Variants in NDUFA10 observed in about 807,000 individuals in gnomAD.
NDUFA10 encodes NADH:ubiquinone oxidoreductase subunit A10, also known as NADH dehydrogenase [ubiquinone] 1 alpha subcomplex subunit 10, mitochondrial.
Under a neutral mutation model 47.8 loss-of-function variants are expected in NDUFA10, and 40 were observed. The ratio of observed to expected loss-of-function variants is 0.84; its 90% CI spans 0.65 to 1.09. NDUFA10 has a LOEUF of 1.09. NDUFA10 is among the 50% of genes least tolerant of loss of function. NDUFA10 has a pLI of 0.00. For missense variants in NDUFA10, 413 were observed against 451.1 expected, an observed-to-expected ratio of 0.92 and a Z score of 0.76; for synonymous variants, 183 against 172.2, an observed-to-expected ratio of 1.06 and a Z score of -0.49.
chr2:239,967,620 C>A (rs1002886811), intron 9 of NDUFA10, among the ~76,000 whole-genome samples: 1 of 152,234 alleles, frequency 6.6e-6, no homozygotes, highest in Non-Finnish European at 1.5e-5. Flanking sequence ...CCCACAGGTA[C>A]GAGGTCCTGT....
In NDUFA10 at chr2:239,959,816, A is replaced by AGG; in HGVS notation, c.*1300_*1301dup. On this transcript the variant is annotated 3_prime_UTR_variant, in exon 10 of 10. Coordinates refer to ENST00000252711, the MANE Select transcript of NDUFA10 (RefSeq NM_004544.4). ...ACAGATGGAAGGAAGAAAGGAAGGG[A>AGG]GGGAAGGAGGAGGAAAGAAGGAGGG... The AGG allele has an allele frequency of 1.1e-6, 1 of 870,792 alleles. No individual in the cohort carries two copies. Among genetic ancestry groups the AGG allele is most frequent in the Non-Finnish European group, 1.4e-6 (1 of 726,350 alleles). 53.9% of individuals were successfully genotyped at this position (870,792 alleles called of 1,614,324 possible). A position where few individuals can be genotyped will look rare whatever the true frequency, so the allele number is the denominator to read the frequency against.
chr2:239,994,671 C>T (rs1222567686), intron 8 of NDUFA10, among the ~76,000 whole-genome samples: 2 of 152,176 alleles, frequency 1.3e-5, no homozygotes, highest in Non-Finnish European at 2.9e-5. Context: ...TGAAACCGGT[C>T]CCTGGTGCCA....
At chr2:239,920,727 C>G (rs1227009692) in intron 4 of NDUFA10, among the ~76,000 whole-genome samples, 1 of 152,184 alleles carries the variant, frequency 6.6e-6, no homozygotes, top group African/African-American at 2.4e-5. Context: ...TTTTGCGTGA[C>G]GGCGATGGAG....
chr2:239,916,251 TAC>T (rs368415118), intron 4 of NDUFA10, among the ~76,000 whole-genome samples: 99 of 140,682 alleles, frequency 7.0e-4, no homozygotes, highest in Non-Finnish European at 1.1e-3. Context: ...CACACAGAGA[TAC>T]ACACACACAC....
intron 6 of NDUFA10, among the ~76,000 whole-genome samples, chr2:240,011,120 A>C (rs1295069563): frequency 2.0e-5 from 3 of 152,344 alleles, no homozygotes; most frequent in South Asian, 4.1e-4. Context: ...TCAACAAAGA[A>C]AGAAAGGGGG....
chr2:239,962,179 C>T (rs980627230), intron 9 of NDUFA10, among the ~76,000 whole-genome samples: 1 of 151,040 alleles, frequency 6.6e-6, no homozygotes, highest in Non-Finnish European at 1.5e-5. Flanking sequence ...TTCATATTTT[C>T]AAATCAGCAT....
At chr2:239,935,599 C>A (rs1574789745) in intron 4 of NDUFA10, among the ~76,000 whole-genome samples, 2 of 152,312 alleles carry the variant, frequency 1.3e-5, no homozygotes, top group South Asian at 4.1e-4. Flanking sequence ...TGGCTGTGTC[C>A]CCACCCAAAT....
At chr2:240,010,039 T>C (rs1363412792) in intron 6 of NDUFA10, among the ~76,000 whole-genome samples, 1 of 152,260 alleles carries the variant, frequency 6.6e-6, no homozygotes, top group Non-Finnish European at 1.5e-5. Flanking sequence ...AGTGAATTTC[T>C]ATGAGAAAAC....
At chr2:239,930,606 C>T (rs1377697714) in intron 4 of NDUFA10, among the ~76,000 whole-genome samples, 4 of 152,068 alleles carry the variant, frequency 2.6e-5, no homozygotes, top group African/African-American at 2.4e-5. Flanking sequence ...AGGTGGCACC[C>T]GGCCAATCAG....
intron 9 of NDUFA10, chr2:239,973,785 A>T (rs1237581023): frequency 8.5e-6 from 3 of 352,968 alleles, no homozygotes; most frequent in Non-Finnish European, 1.7e-5. Flanking sequence ...TCCTGCACAC[A>T]TTCAGTATTT....
chr2:240,003,438 T>C (rs771032336), intron 8 of NDUFA10, among the ~76,000 whole-genome samples: 1 of 151,972 alleles, frequency 6.6e-6, no homozygotes, highest in Admixed American at 6.5e-5. Flanking sequence ...AGAGGCAAAG[T>C]GTTGGTGCAG....
intron 9 of NDUFA10, among the ~76,000 whole-genome samples, chr2:239,981,730 T>G (rs2106428888): frequency 6.6e-6 from 1 of 152,318 alleles, no homozygotes; most frequent in South Asian, 2.1e-4. Context: ...CTGGGCATGT[T>G]ACAATACACA....
At chr2:239,966,914 G>A (rs116057672) in intron 9 of NDUFA10, among the ~76,000 whole-genome samples, 1,658 of 140,504 alleles carry the variant, frequency 0.012, 27 homozygotes, top group African/African-American at 0.04. Context: ...GGTGGCACAC[G>A]GCCAGTGTGT....
rs771756136 is a variant in NDUFA10 at position 240,011,621 on chromosome 2, T to C, written c.745A>G (p.Met249Val). The change falls in exon 6 of 10, where the codon ATG becomes GTG. Residue 249 changes from methionine to valine, a missense_variant. By Grantham distance (21) the Met-to-Val change is conservative (BLOSUM62 1). Coordinates refer to ENST00000252711, the MANE Select transcript of NDUFA10 (RefSeq NM_004544.4). ...TCAGTCGTGTGTTTGGCTCACCTCA[T>C]CTCAGGGAGAAAGGTTTTCTTATAG... The part of the protein sequence containing the change: ...NAYKKTFLPE[M>V]SEKCEVLQYS... The C allele has an allele frequency of 2.4e-5, 38 of 1,610,440 alleles. No homozygotes were observed. Among genetic ancestry groups the C allele is most frequent in the Non-Finnish European group, 3.1e-5 (37 of 1,176,696 alleles).
chr2:239,998,493 T>TGTC (rs1177202362), intron 8 of NDUFA10, among the ~76,000 whole-genome samples: 1 of 152,064 alleles, frequency 6.6e-6, no homozygotes, highest in Admixed American at 6.6e-5. Flanking sequence ...CCTATGCTGC[T>TGTC]GTCTGTGGCA....
intron 4 of NDUFA10, among the ~76,000 whole-genome samples, chr2:239,950,083 G>A (rs1043372438): frequency 1.3e-5 from 2 of 152,176 alleles, no homozygotes; most frequent in Admixed American, 6.5e-5. Flanking sequence ...AGCTTGCTGT[G>A]AGAATCTAGG....
chr2:239,943,302 A>C (rs1574795196), intron 4 of NDUFA10, among the ~76,000 whole-genome samples: 1 of 152,090 alleles, frequency 6.6e-6, no homozygotes, highest in African/African-American at 2.4e-5. Context: ...CTACTCTGAA[A>C]TCTTTTGCTT....
chr2:239,912,299 C>T (rs1165207381), intron 4 of NDUFA10, among the ~76,000 whole-genome samples: 3 of 152,144 alleles, frequency 2.0e-5, no homozygotes, highest in Admixed American at 6.5e-5. Context: ...CTGGGCAGAA[C>T]GCTTGGGAGA....
chr2:239,972,302 G>A lies in NDUFA10; in HGVS notation c.1000-11116C>T, dbSNP rs190546429. 1.4e-4 allele frequency among the ~76,000 whole-genome samples: 22 copies of A among 152,160 alleles called. 1 individual carries two copies. The highest frequency in any genetic ancestry group is 1.2e-3 in the Admixed American group (19 of 15,292). On this transcript the variant is annotated intron_variant, in intron 9 of 9. Coordinates refer to ENST00000252711, the MANE Select transcript of NDUFA10 (RefSeq NM_004544.4). ...ATTAAACAAAAAAACGATTGAGTGAGGGCCTGTGTACCGGGTGGGCTTCAC... is the reference window on the plus strand; with the variant it reads ...ATTAAACAAAAAAACGATTGAGTGAAGGCCTGTGTACCGGGTGGGCTTCAC...
Sources: allele counts gnomAD v4.1 joint callset (sites outside exome capture counted in the v4.1 genomes callset), GRCh38; gene constraint gnomAD v4.1.1; transcripts MANE v1.5; gene names NCBI Gene and HGNC (gene_info 2026-07-23, HGNC 2026-07-21).